The following VPS13D variants were observed in gnomAD, a reference collection of about 807,000 sequenced individuals.
The protein encoded by VPS13D is vacuolar protein sorting 13 homolog D.
VPS13D carries 187 observed loss-of-function variants against 461.9 expected under a neutral mutation model. That is an observed-to-expected ratio of 0.40 (90% CI 0.36 to 0.46). The LOEUF (loss-of-function observed/expected upper bound fraction) is 0.46, where lower values mean the gene tolerates loss of function less well. Among genes scored for constraint, VPS13D ranks in the 20% least tolerant of loss-of-function variants. The pLI, the probability that VPS13D is intolerant of heterozygous loss-of-function variation, is 0.60. For synonymous variants in VPS13D, 1,951 were observed against 1,986.3 expected, an observed-to-expected ratio of 0.98 and a Z score of 0.47; for missense variants, 4,711 against 5,364.9, an observed-to-expected ratio of 0.88 and a Z score of 3.81.
At chr1:12,248,946 GATAACATAATATAAC>G (rs1213379446) in intron 5 of VPS13D, among the ~76,000 whole-genome samples, 9 of 152,038 alleles carry the variant, frequency 5.9e-5, no homozygotes, top group African/African-American at 1.9e-4. Context: ...AGAGAGTTAT[GATAACATAATATAAC>G]ATAACATAAT....
intron 37 of VPS13D, 31 bp from the exon 38 acceptor site, chr1:12,333,195 A>G (rs766831702): frequency 3.1e-6 from 5 of 1,610,326 alleles, no homozygotes; most frequent in Non-Finnish European, 4.2e-6. Flanking sequence ...ATATCTGCTG[A>G]ACAGATGTCT....
chr1:12,396,371 C>T (rs1385881389), intron 60 of VPS13D, among the ~76,000 whole-genome samples: 1 of 152,020 alleles, frequency 6.6e-6, no homozygotes, highest in East Asian at 1.9e-4. Context: ...CTTAGATTGT[C>T]GCAAGTTTTT....
At chr1:12,351,695 G>C (rs910345837) in intron 46 of VPS13D, among the ~76,000 whole-genome samples, 5 of 151,802 alleles carry the variant, frequency 3.3e-5, no homozygotes, top group African/African-American at 1.2e-4. Context: ...AGGTTCAAGT[G>C]ATTCTCCTGC....
intron 3 of VPS13D, among the ~76,000 whole-genome samples, chr1:12,243,340 C>A (rs1640442650): frequency 6.6e-6 from 1 of 152,212 alleles, no homozygotes; most frequent in Non-Finnish European, 1.5e-5. Flanking sequence ...TCATAGCTCA[C>A]TACAGCTTTG....
Position 12,455,980 on chromosome 1 carries a change from G to C in VPS13D, c.12334-18G>C, listed in dbSNP as rs749971821. On this transcript the variant is annotated intron_variant, in intron 65 of 69. Transcript: ENST00000620676. ...GCCAAGACTTTAAAACTCTTCTCCT[G>C]CTTTTAACTCCTTCTAGTTTGCTGG... 6.3e-7 allele frequency: 1 copy of C among 1,589,234 alleles called. No homozygotes were observed. The highest frequency in any genetic ancestry group is 1.7e-4 in the Middle Eastern group (1 of 5,934).
chr1:12,431,206 C>CAACACTAA (rs1644987866), intron 65 of VPS13D, among the ~76,000 whole-genome samples: 1 of 152,280 alleles, frequency 6.6e-6, no homozygotes, highest in South Asian at 2.1e-4. Context: ...AGAGATGTGT[C>CAACACTAA]AACACTAAAA....
At chr1:12,330,015 A>AG in intron 37 of VPS13D, 97 bp downstream of exon 37, 6 of 392,638 alleles carry the variant, frequency 1.5e-5, no homozygotes, top group South Asian at 3.7e-5. Context: ...AGGAAAGGGC[A>AG]GGGGTGGGGT....
rs552598470 is a variant in VPS13D at position 12,499,142 on chromosome 1, A to AC, written c.12794+1517dup. On this transcript the variant is annotated intron_variant, in intron 68 of 69. Transcript: ENST00000620676. ...TAGCCTTTGGATGGGGGGTCTAGAG[A>AC]CCCCCCATCCAAATTTCTCAGGTCT... Among the ~76,000 whole-genome samples, 24 of 150,298 alleles carry AC rather than the reference A, an allele frequency of 1.6e-4. No homozygotes were observed. The East Asian group carries it at 2.6e-3, about 16-fold the overall frequency.
intron 67 of VPS13D, chr1:12,497,207 A>C (rs544884756): frequency 1.1e-4 from 23 of 216,140 alleles, no homozygotes; most frequent in South Asian, 7.3e-4. Flanking sequence ...CAGTCCTCTA[A>C]GGTAGGTGTC....
Position 12,314,239 on chromosome 1 carries a change from G to T in VPS13D, c.7060G>T (p.Gly2354Cys). The T allele has an allele frequency of 6.2e-7, 1 of 1,614,144 alleles. No individual in the cohort carries two copies. The highest frequency in any genetic ancestry group is 8.5e-7 in the Non-Finnish European group (1 of 1,180,016). The change falls in exon 30 of 70, where the codon GGC (glycine) becomes TGC (cysteine). Residue 2354 changes from glycine (G) to cysteine (C), a missense_variant. Coordinates refer to ENST00000620676, the MANE Select transcript of VPS13D (RefSeq NM_015378.4). Reference protein sequence around the residue: ...TRYAGQKTSPGMTNVFSCIFQ... With the variant: ...TRYAGQKTSPCMTNVFSCIFQ... The stretch of plus-strand genomic sequence containing the variant: ...TTATGCTGGGCAGAAGACCAGCCCT[G>T]GCATGACGAATGTGTTCAGCTGTAT...
At chr1:12,284,128 C>T (rs1641893496) in intron 21 of VPS13D, among the ~76,000 whole-genome samples, 1 of 152,166 alleles carries the variant, frequency 6.6e-6, no homozygotes, top group Non-Finnish European at 1.5e-5. Flanking sequence ...GTTTCTGTCT[C>T]CCCATTCTCT....
chr1:12,385,857 A>G (rs1175333599), intron 59 of VPS13D, among the ~76,000 whole-genome samples: 1 of 152,250 alleles, frequency 6.6e-6, no homozygotes, highest in East Asian at 1.9e-4. Context: ...ATAACAGATT[A>G]TGAGCTTTCA....
In VPS13D at chr1:12,308,640, A is replaced by C; in HGVS notation, c.6649A>C (p.Lys2217Gln). ...LKLQVERNLD[K>Q]EISHTVPDIS... ...ATTGCAGGTGGAAAGGAATTTGGAC[A>C]AGTGAGTGTTTTTTTTTTTTTTTGA... is the stretch of plus-strand genomic sequence containing the variant. The change falls in exon 27 of 70, where the codon AAA becomes CAA. Residue 2217 changes from lysine to glutamine, a missense_variant and splice_region_variant. Around this residue, in one of 3 missense-constraint regions of VPS13D, gnomAD observed 4,411 missense variants for 4,937.8 expected, o/e 0.89. Coordinates refer to ENST00000620676, the MANE Select transcript of VPS13D (RefSeq NM_015378.4). 6.2e-7 allele frequency: 1 copy of C among 1,610,780 alleles called. No individual in the cohort carries two copies. The highest frequency in any genetic ancestry group is 1.7e-5 in the Admixed American group (1 of 59,588).
chr1:12,319,647 T>C lies in VPS13D; in HGVS notation c.7548+17T>C, dbSNP rs762449553. On this transcript the variant is annotated intron_variant, in intron 32 of 69. Transcript: ENST00000620676. ...GGCATTGAGGTAAGAAGTCTATGTG[T>C]TGATCACAGCACTGCGTGTTGGCTC... is the stretch of plus-strand genomic sequence containing the variant. The C allele has an allele frequency of 6.2e-7, 1 of 1,614,244 alleles. No homozygotes were observed. The highest frequency in any genetic ancestry group is 2.2e-5 in the East Asian group (1 of 44,892).
At chr1:12,442,135 A>G (rs1377896450) in intron 65 of VPS13D, among the ~76,000 whole-genome samples, 1 of 152,174 alleles carries the variant, frequency 6.6e-6, no homozygotes, top group Non-Finnish European at 1.5e-5. Context: ...AACTTTTTAG[A>G]GTCAGATCTC....
At chr1:12,411,596 T>C (rs1644729939) in intron 63 of VPS13D, among the ~76,000 whole-genome samples, 1 of 152,218 alleles carries the variant, frequency 6.6e-6, no homozygotes, top group Non-Finnish European at 1.5e-5. Flanking sequence ...TATCATTATC[T>C]ATTATTGTGT....
intron 1 of VPS13D, among the ~76,000 whole-genome samples, chr1:12,231,217 C>T (rs1639963890): frequency 6.6e-6 from 1 of 152,228 alleles, no homozygotes; most frequent in Non-Finnish European, 1.5e-5. Flanking sequence ...GTGCCAGTGC[C>T]AGGCAGCTGC....
intron 5 of VPS13D, among the ~76,000 whole-genome samples, chr1:12,246,076 T>C (rs1474527310): frequency 1.3e-5 from 2 of 152,196 alleles, no homozygotes; most frequent in African/African-American, 4.8e-5. Context: ...CAGGCTGACT[T>C]GTGTGGAGGT....
intron 62 of VPS13D, 44 bp from the exon 63 acceptor site, chr1:12,403,781 C>CG (rs1553189058): frequency 6.6e-6 from 10 of 1,525,272 alleles, no homozygotes; most frequent in South Asian, 5.2e-5. Context: ...GATCATGAGA[C>CG]TAAGAAATTC....
Sources: gnomAD v4.1 joint callset for allele counts (sites outside exome capture counted in the v4.1 genomes callset) on GRCh38, gnomAD v4.1.1 for gene constraint, gnomAD v4.1.1 regional missense constraint, MANE v1.5 for transcripts, NCBI Gene and HGNC (gene_info 2026-07-23, HGNC 2026-07-21) for gene names.